The following DOK6 variants were observed in gnomAD, a reference collection of about 807,000 sequenced individuals.
The protein encoded by DOK6 is docking protein 6.
Under a neutral mutation model 44.0 loss-of-function variants are expected in DOK6, and 22 were observed. The observed-to-expected ratio is 0.50, with a 90% CI of 0.36 to 0.71. The LOEUF (loss-of-function observed/expected upper bound fraction) is 0.71. DOK6 is among the 30% of genes least tolerant of loss of function. DOK6 has a pLI of 0.00. For missense variants in DOK6, 340 were observed against 416.4 expected, an observed-to-expected ratio of 0.82 and a Z score of 1.60; for synonymous variants, 166 against 145.5, an observed-to-expected ratio of 1.14 and a Z score of -1.01.
intron 1 of DOK6, among the ~76,000 whole-genome samples, chr18:69,526,131 G>GT (rs1233726803): frequency 1.3e-5 from 2 of 151,898 alleles, no homozygotes; most frequent in African/African-American, 4.8e-5. Context: ...CAATTCTGTT[G>GT]TTTTTAGTGG....
At chr18:69,819,486 T>C (rs1003993950) in intron 7 of DOK6, among the ~76,000 whole-genome samples, 11 of 152,160 alleles carry the variant, frequency 7.2e-5, no homozygotes, top group Admixed American at 2.6e-4. Context: ...AGAAATTTAA[T>C]AGGATTTCAG....
intron 7 of DOK6, among the ~76,000 whole-genome samples, chr18:69,775,168 C>T (rs1393732447): frequency 2.0e-5 from 3 of 151,920 alleles, no homozygotes; most frequent in African/African-American, 7.2e-5. Context: ...CTATCACCAA[C>T]TGAAATATGC....
chr18:69,617,092 T>TAA (rs34064614), intron 3 of DOK6, among the ~76,000 whole-genome samples: 124,694 of 150,956 alleles, frequency 0.83, 52,334 homozygotes, highest in Non-Finnish European at 0.92. Context: ...ATATATTTGT[T>TAA]AAAAAAAAAA....
chr18:69,447,021 G>A (rs1269540084), intron 1 of DOK6, among the ~76,000 whole-genome samples: 1 of 152,104 alleles, frequency 6.6e-6, no homozygotes, highest in African/African-American at 2.4e-5. Context: ...TCACTCTGAT[G>A]GTAGTTTCTT....
At chr18:69,682,508 C>A (rs1213376228) in intron 4 of DOK6, among the ~76,000 whole-genome samples, 1 of 152,198 alleles carries the variant, frequency 6.6e-6, no homozygotes, top group Non-Finnish European at 1.5e-5. Context: ...CTTGCAACTT[C>A]CCAAAGCACA....
At chr18:69,500,422 C>G (rs1357171267) in intron 1 of DOK6, among the ~76,000 whole-genome samples, 1 of 152,100 alleles carries the variant, frequency 6.6e-6, no homozygotes, top group Non-Finnish European at 1.5e-5. Flanking sequence ...CTGGCCACCT[C>G]TCCATTATAC....
At chr18:69,581,448 T>C (rs919112308) in intron 2 of DOK6, among the ~76,000 whole-genome samples, 8 of 152,366 alleles carry the variant, frequency 5.3e-5, no homozygotes, top group African/African-American at 1.7e-4. Context: ...TTTAAAGTTC[T>C]GCATTGTGAT....
chr18:69,505,702 T>C (rs1213789387), intron 1 of DOK6, among the ~76,000 whole-genome samples: 1 of 151,804 alleles, frequency 6.6e-6, no homozygotes, highest in Non-Finnish European at 1.5e-5. Flanking sequence ...TTCACCATGT[T>C]CACCAGGCTG....
chr18:69,677,619 T>C (rs191374279), intron 3 of DOK6, 115 bp from the exon 4 acceptor site: 2 of 1,541,954 alleles, frequency 1.3e-6, no homozygotes, highest in East Asian at 2.3e-5. Context: ...TGTTGTTTTT[T>C]TAAAGGCAGG....
intron 3 of DOK6, among the ~76,000 whole-genome samples, chr18:69,612,490 T>C (rs1053208449): frequency 1.8e-5 from 1 of 55,354 alleles, no homozygotes; most frequent in African/African-American, 7.4e-5. Flanking sequence ...TTTTCTAACA[T>C]AGAGGCCGTG....
rs869202861 is a variant in DOK6 at position 69,712,280 on chromosome 18, C to CAAAAAAAA, written c.599+13726_599+13733dup. 5.3e-4 allele frequency among the ~76,000 whole-genome samples: 12 copies of CAAAAAAAA among 22,674 alleles called. 4 individuals carry two copies. The highest frequency in any genetic ancestry group is 8.3e-4 in the Admixed American group (1 of 1,198). The allele number at this position is 22,674 out of a possible 152,430, so 14.9% of individuals were successfully genotyped here. A position where few individuals can be genotyped will look rare whatever the true frequency, so the allele number is the denominator to read the frequency against. On this transcript the variant is annotated intron_variant, in intron 5 of 7. Coordinates refer to ENST00000382713, the MANE Select transcript of DOK6 (RefSeq NM_152721.6). ...TGGGCGACAGAGCGAGACTCCGTCT[C>CAAAAAAAA]AAAAAAAAAAAAAAAAAAAAAAAAA...
intron 1 of DOK6, among the ~76,000 whole-genome samples, chr18:69,523,452 A>C (rs1160051311): frequency 6.6e-6 from 1 of 152,054 alleles, no homozygotes; most frequent in East Asian, 1.9e-4. Context: ...GATTGAAAAT[A>C]ATTACCTTAT....
intron 3 of DOK6, among the ~76,000 whole-genome samples, chr18:69,611,075 C>A (rs539374768): frequency 7.6e-6 from 1 of 131,420 alleles, no homozygotes; most frequent in Non-Finnish European, 1.6e-5. Flanking sequence ...TTTTTATGTA[C>A]CCATAAAAAT....
chr18:69,557,901 T>G (rs935575900), intron 1 of DOK6, among the ~76,000 whole-genome samples: 3 of 152,070 alleles, frequency 2.0e-5, no homozygotes, highest in Non-Finnish European at 4.4e-5. Flanking sequence ...GAGATGCCCT[T>G]GAAAGCCAAG....
intron 5 of DOK6, among the ~76,000 whole-genome samples, chr18:69,730,500 A>G (rs1978365957): frequency 6.6e-6 from 1 of 152,218 alleles, no homozygotes; most frequent in Admixed American, 6.5e-5. Context: ...AAGGAACAAT[A>G]CAAACTGATT....
intron 1 of DOK6, among the ~76,000 whole-genome samples, chr18:69,478,463 T>G (rs938813004): frequency 2.6e-5 from 4 of 152,180 alleles, no homozygotes; most frequent in African/African-American, 9.6e-5. Context: ...GTAGTCACTT[T>G]AAACTTACTG....
At chr18:69,565,261 TTAA>T (rs1284596242) in intron 2 of DOK6, among the ~76,000 whole-genome samples, 6 of 152,186 alleles carry the variant, frequency 3.9e-5, no homozygotes, top group Admixed American at 2.0e-4. Flanking sequence ...AGTAAAGATT[TTAA>T]TTTCTCATTG....
At chr18:69,516,025 C>T (rs1568282547) in intron 1 of DOK6, among the ~76,000 whole-genome samples, 1 of 152,162 alleles carries the variant, frequency 6.6e-6, no homozygotes, top group Non-Finnish European at 1.5e-5. Context: ...TTTTCTGTAA[C>T]TTTGTAAATT....
At position 69,698,412 on chromosome 18, in the gene DOK6, A is replaced by G. The variant is rs1274817573; in HGVS notation, c.418A>G (p.Asn140Asp). The change falls in exon 5 of 8, where the codon AAC (asparagine) becomes GAC (aspartate). Residue 140 changes from asparagine to aspartate, a missense_variant. Physicochemically the swap from Asn to Asp is conservative, Grantham distance 23 (BLOSUM62 1). Around this residue, in one of 3 missense-constraint regions of DOK6, gnomAD observed 206 missense variants for 258.6 expected, o/e 0.80. Transcript: ENST00000382713. ...GVQREQNERF[N>D]VYLMPTPNLD... ...TCTTCGTCTCTTCACAGAGAGATTC[A>G]ACGTGTATCTTATGCCTACACCAAA... is the stretch of plus-strand genomic sequence containing the variant. 4 of 1,611,266 alleles carry G rather than the reference A, an allele frequency of 2.5e-6. No homozygotes were observed.
Sources: allele counts gnomAD v4.1 joint callset (sites outside exome capture counted in the v4.1 genomes callset), GRCh38; gene constraint gnomAD v4.1.1; regional missense constraint gnomAD v4.1.1; transcripts MANE v1.5; gene names NCBI Gene and HGNC (gene_info 2026-07-23, HGNC 2026-07-21).